IFT88: variants seen among roughly 807,000 people sequenced by gnomAD.
The protein encoded by IFT88 is intraflagellar transport protein 88 homolog.
A neutral mutation model predicts 119.5 loss-of-function variants in IFT88; 74 were observed. The observed-to-expected ratio is 0.62, with a 90% confidence interval of 0.51 to 0.75. The LOEUF (loss-of-function observed/expected upper bound fraction) is 0.75, where lower values mean the gene tolerates loss of function less well. IFT88 is among the 30% of genes least tolerant of loss of function. The probability of loss-of-function intolerance (pLI) is 0.00; values close to 1 mark genes in which losing one functional copy is unlikely to be tolerated. For synonymous variants in IFT88, 279 were observed against 316.7 expected (o/e 0.88, Z 1.26); for missense variants, 961 against 977.7 (o/e 0.98, Z 0.23).
intron 13 of IFT88, among the ~76,000 whole-genome samples, chr13:20,614,967 C>T (rs183691899): frequency 1.6e-3 from 248 of 151,970 alleles, no homozygotes; most frequent in African/African-American, 5.7e-3. Context: ...AGGCGCCTGC[C>T]GCCACACCTG....
chr13:20,690,556 G>A (rs1286228604), intron 24 of IFT88, 149 bp from the exon 25 acceptor site: 1 of 545,306 alleles, frequency 1.8e-6, no homozygotes, highest in African/African-American at 1.9e-5. Flanking sequence ...TTAAATTTCA[G>A]AAAACAAGAA....
In IFT88 at chr13:20,611,139, A is replaced by G. The variant is rs150804762; in HGVS notation, c.1113-4654A>G. Among the ~76,000 whole-genome samples, 115 of 151,660 alleles carry G rather than the reference A, an allele frequency of 7.6e-4. No individual in the cohort carries two copies. In the East Asian group the frequency reaches 0.022, roughly 29 times the overall value. On this transcript the variant is annotated intron_variant, in intron 13 of 25. Coordinates refer to ENST00000351808, the MANE Select transcript of IFT88 (RefSeq NM_006531.5). ...TAATAATATATAGGATATCAGTGGAATGAAGGATGAAAACTACACAACCAT... is the reference window on the plus strand; with the variant it reads ...TAATAATATATAGGATATCAGTGGAGTGAAGGATGAAAACTACACAACCAT...
chr13:20,579,736 A>C (rs1229038205), intron 2 of IFT88, among the ~76,000 whole-genome samples: 2 of 152,152 alleles, frequency 1.3e-5, no homozygotes, highest in Non-Finnish European at 2.9e-5. Flanking sequence ...CTTTGTAGCC[A>C]CCACAGCTGT....
At chr13:20,671,920 C>G (rs1161604224) in intron 24 of IFT88, among the ~76,000 whole-genome samples, 1 of 152,152 alleles carries the variant, frequency 6.6e-6, no homozygotes, top group Non-Finnish European at 1.5e-5. Flanking sequence ...TTAGGCAGGC[C>G]TTTCATCCAT....
At chr13:20,612,010 G>A (rs1423570701) in intron 13 of IFT88, among the ~76,000 whole-genome samples, 1 of 152,072 alleles carries the variant, frequency 6.6e-6, no homozygotes, top group Non-Finnish European at 1.5e-5. Flanking sequence ...AGATTAGAAA[G>A]GAACAGTTTA....
At chr13:20,660,699 G>A (rs998018999) in intron 22 of IFT88, among the ~76,000 whole-genome samples, 1 of 152,150 alleles carries the variant, frequency 6.6e-6, no homozygotes, top group African/African-American at 2.4e-5. Flanking sequence ...GAGTGTCAAG[G>A]GTAATTGCAC....
chr13:20,666,154 A>C (rs551841494), intron 23 of IFT88, among the ~76,000 whole-genome samples: 1 of 152,218 alleles, frequency 6.6e-6, no homozygotes, highest in South Asian at 2.1e-4. Context: ...TCCTGACATG[A>C]CCATTGGTCA....
chr13:20,592,715 C>T (rs893515869), intron 7 of IFT88, among the ~76,000 whole-genome samples: 1 of 152,114 alleles, frequency 6.6e-6, no homozygotes, highest in African/African-American at 2.4e-5. Context: ...AATGATCTGC[C>T]GACCTCAGCC....
At chr13:20,653,732 A>T (rs1349514016) in intron 20 of IFT88, 144 bp from the exon 21 acceptor site, 1 of 455,836 alleles carries the variant, frequency 2.2e-6, no homozygotes. Context: ...ACTGAGGGAA[A>T]TTATATATCT....
chr13:20,628,544 C>T (rs145256325), intron 15 of IFT88, among the ~76,000 whole-genome samples: 1 of 152,036 alleles, frequency 6.6e-6, no homozygotes, highest in African/African-American at 2.4e-5. Context: ...AATAAACTTA[C>T]AATATTTTAC....
At position 20,599,505 on chromosome 13, in the gene IFT88, A is replaced by G; in HGVS notation, c.752A>G (p.Lys251Arg). Residue 251 changes from lysine (K) to arginine (R), a missense_variant, in exon 11 of 26, where the codon AAA becomes AGA. Transcript: ENST00000351808. ...NIYLKQRNYSKAIKFYRMALD... is the reference protein window; with the variant it reads ...NIYLKQRNYSRAIKFYRMALD... ...TATTTAAAGCAAAGAAATTATTCCA[A>G]AGCCATTAAATTCTACCGAATGGCA... 1.9e-6 allele frequency: 3 copies of G among 1,561,480 alleles called. No homozygotes were observed. Among genetic ancestry groups the G allele is most frequent in the Non-Finnish European group, 2.6e-6 (3 of 1,141,646 alleles).
intron 9 of IFT88, among the ~76,000 whole-genome samples, chr13:20,598,183 A>G (rs2042067504): frequency 6.6e-6 from 1 of 152,168 alleles, no homozygotes; most frequent in Non-Finnish European, 1.5e-5. Context: ...ATTTATGATG[A>G]TCATTTTTTA....
chr13:20,594,062 TA>T (rs564792434), intron 7 of IFT88, among the ~76,000 whole-genome samples: 3,014 of 137,162 alleles, frequency 0.022, 76 homozygotes, highest in African/African-American at 0.066. Context: ...AAGAAAGACT[TA>T]AAAAAAAAAA....
chr13:20,596,085 T>TA, intron 7 of IFT88, 65 bp from the exon 8 acceptor site: 1 of 460,018 alleles, frequency 2.2e-6, no homozygotes, highest in Non-Finnish European at 3.6e-6. Context: ...TAAAATAAAA[T>TA]AAATTTTAGT....
At chr13:20,656,230 A>G (rs2052771715) in intron 21 of IFT88, 135 bp from the exon 22 acceptor site, 3 of 364,128 alleles carry the variant, frequency 8.2e-6, no homozygotes, top group Non-Finnish European at 1.5e-5. Context: ...TAAAAGTTAT[A>G]TTAAGTGGTA....
chr13:20,649,744 C>A (rs907543784), intron 20 of IFT88, among the ~76,000 whole-genome samples: 4 of 152,036 alleles, frequency 2.6e-5, no homozygotes, highest in Non-Finnish European at 4.4e-5. Flanking sequence ...ATTGACAAAT[C>A]TCTAGCTAGA....
At chr13:20,613,420 A>T (rs2044972765) in intron 13 of IFT88, among the ~76,000 whole-genome samples, 1 of 152,178 alleles carries the variant, frequency 6.6e-6, no homozygotes, top group South Asian at 2.1e-4. Flanking sequence ...TGCTATAATA[A>T]AAAAGAAAAT....
intron 18 of IFT88, chr13:20,642,972 T>C (rs1375091004): frequency 6.6e-6 from 1 of 150,658 alleles, no homozygotes; most frequent in African/African-American, 2.4e-5. Flanking sequence ...TATGAATAAA[T>C]TATTTGTATA....
chr13:20,600,938 G>A (rs950038716), intron 11 of IFT88, among the ~76,000 whole-genome samples: 25 of 152,148 alleles, frequency 1.6e-4, no homozygotes, highest in Non-Finnish European at 5.9e-5. Flanking sequence ...ACAAAAAAAG[G>A]AATGAAGTAC....
Sources: allele counts gnomAD v4.1 joint callset (sites outside exome capture counted in the v4.1 genomes callset), GRCh38; gene constraint gnomAD v4.1.1; transcripts MANE v1.5; gene names NCBI Gene and HGNC (gene_info 2026-07-23, HGNC 2026-07-21).